SWAP70: variants seen among roughly 807,000 people sequenced by gnomAD.
SWAP70 encodes the protein switch-associated protein 70.
SWAP70 carries 34 observed loss-of-function variants against 80.2 expected under a neutral mutation model. That is an observed-to-expected ratio of 0.42 (90% CI 0.32 to 0.56). The LOEUF (loss-of-function observed/expected upper bound fraction) is 0.56. SWAP70 is among the 20% of genes least tolerant of loss of function. SWAP70 has a pLI of 0.09. For missense variants in SWAP70, 578 were observed against 690.7 expected (o/e 0.84, Z 1.83); for synonymous variants, 239 against 238.5 (o/e 1.00, Z -0.02).
intron 1 of SWAP70, among the ~76,000 whole-genome samples, chr11:9,672,195 CTATATATATA>C (rs57590750): frequency 8.4e-4 from 66 of 78,418 alleles, no homozygotes; most frequent in Non-Finnish European, 1.1e-3. Context: ...ATGTGTGTGT[CTATATATATA>C]TATATATATA....
chr11:9,704,929 A>G (rs1450958827), intron 2 of SWAP70, among the ~76,000 whole-genome samples: 2 of 152,236 alleles, frequency 1.3e-5, no homozygotes, highest in African/African-American at 2.4e-5. Context: ...GCTCAAAGAC[A>G]TATTGATGCA....
In SWAP70 at chr11:9,750,461, CAAACAAGGGTTACCTG is replaced by C. The variant is rs1480746174; in HGVS notation, c.*495_*510del. On this transcript the variant is annotated 3_prime_UTR_variant, in exon 12 of 12. Transcript: ENST00000318950. ...GGAAGCCTTCTTATTTATCTTCCTG[CAAACAAGGGTTACCTG>C]AAAAGAAAAAAAAAGTCAACATTGT... 1 of 152,192 alleles carries C rather than the reference CAAACAAGGGTTACCTG, an allele frequency of 6.6e-6. No individual in the cohort carries two copies. The highest frequency in any genetic ancestry group is 1.5e-5 in the Non-Finnish European group (1 of 68,050). The allele number at this position is 152,192 out of a possible 1,614,324, so 9.4% of individuals were successfully genotyped here.
intron 9 of SWAP70, chr11:9,741,406 G>A (rs922507029): frequency 2.6e-5 from 4 of 152,156 alleles, no homozygotes. Flanking sequence ...GCACTGTGAG[G>A]TTAATCAGGT....
chr11:9,715,078 G>T (rs537869578), intron 3 of SWAP70, among the ~76,000 whole-genome samples: 2 of 150,774 alleles, frequency 1.3e-5, no homozygotes, highest in African/African-American at 4.9e-5. Context: ...GGGCTCAGGG[G>T]ATCCTCCTGT....
rs1454011580 is a variant in SWAP70 at position 9,738,242 on chromosome 11, A to G, written c.1110A>G (p.Ala370=). The G allele has an allele frequency of 2.5e-6, 4 of 1,611,008 alleles. No homozygotes were observed. In the Admixed American group the frequency reaches 6.7e-5, roughly 27 times the overall value. Residue 370 remains alanine (A), a synonymous_variant, in exon 8 of 12, where the codon GCA becomes GCG. Coordinates refer to ENST00000318950, the MANE Select transcript of SWAP70 (RefSeq NM_015055.4). ...TGGAGGAAGCAGCATCTCGTGCAGC[A>G]GAAGAGGAAAAGAAACGCCTTCAGA... ...KKLEEAASRA[A]EEEKKRLQTQ...
chr11:9,744,189 C>A (rs1339878816), intron 9 of SWAP70, among the ~76,000 whole-genome samples: 3 of 152,166 alleles, frequency 2.0e-5, no homozygotes, highest in African/African-American at 7.2e-5. Flanking sequence ...GTCTTGATCT[C>A]CTGACCTCGT....
In SWAP70 at chr11:9,732,580, A is replaced by T; in HGVS notation, c.950A>T (p.Lys317Ile). The T allele has an allele frequency of 6.2e-7, 1 of 1,605,520 alleles. No homozygotes were observed. Among genetic ancestry groups the T allele is most frequent in the Non-Finnish European group, 8.5e-7 (1 of 1,175,154 alleles). ...AAGCTGGGCAGCCCTCCACCACACA[A>T]AGAAGCCCGCCAGCGTCGGAAAGAA... ...LLKLGSPPPHKEARQRRKELR... is the reference protein window; with the variant it reads ...LLKLGSPPPHIEARQRRKELR... The change falls in exon 7 of 12, where the codon AAA becomes ATA. Residue 317 changes from lysine (K) to isoleucine (I), a missense_variant. By Grantham distance (102) the Lys-to-Ile change is moderately radical. Transcript: ENST00000318950.
rs1228220395 is a variant in SWAP70, at chr11:9,718,346, A to G, written c.414+4707A>G. On this transcript the variant is annotated intron_variant, in intron 3 of 11. Transcript: ENST00000318950. Reference sequence around the variant, plus strand: ...TGCTTGTGTGGGGAAAGAAGGGATCATTGGAGTAGATTTATGTGAGATTGC... The same window carrying G: ...TGCTTGTGTGGGGAAAGAAGGGATCGTTGGAGTAGATTTATGTGAGATTGC... Among the ~76,000 whole-genome samples, 3 of 152,152 alleles carry G rather than the reference A, an allele frequency of 2.0e-5. No homozygotes were observed. The East Asian group carries it at 5.8e-4, about 29-fold the overall frequency.
In SWAP70 at chr11:9,743,349, G is replaced by A. The variant is rs949056057; in HGVS notation, c.1355+3002G>A. Among the ~76,000 whole-genome samples the A allele has an allele frequency of 1.6e-4, 24 of 151,818 alleles. No homozygotes were observed. In the South Asian group the frequency reaches 3.1e-3, roughly 20 times the overall value. ...AGTCTTTGCTATTGTGAATAATGCC[G>A]CAATAAACATACTTGTGCATGTGTC... On this transcript the variant is annotated intron_variant, in intron 9 of 11. Transcript: ENST00000318950.
intron 1 of SWAP70, among the ~76,000 whole-genome samples, chr11:9,670,131 G>A (rs571155995): frequency 6.6e-5 from 10 of 152,130 alleles, no homozygotes; most frequent in African/African-American, 2.4e-4. Flanking sequence ...TGGCTAGAGT[G>A]GATTGGGAAG....
intron 1 of SWAP70, among the ~76,000 whole-genome samples, chr11:9,679,835 A>T (rs1850545165): frequency 6.6e-6 from 1 of 151,468 alleles, no homozygotes; most frequent in Admixed American, 6.6e-5. Context: ...CGCCTGGCAA[A>T]TTTTTTTGTA....
At chr11:9,730,327 TAAAA>T (rs58068637) in intron 6 of SWAP70, among the ~76,000 whole-genome samples, 28 of 136,910 alleles carry the variant, frequency 2.0e-4, no homozygotes, top group Admixed American at 2.9e-4. Flanking sequence ...CGTCTCTACT[TAAAA>T]AAAAAAAAAA....
Position 9,729,174 on chromosome 11 carries a change from T to A in SWAP70, c.790-169T>A, listed in dbSNP as rs377655187. On this transcript the variant is annotated intron_variant, in intron 5 of 11. Coordinates refer to ENST00000318950, the MANE Select transcript of SWAP70 (RefSeq NM_015055.4). The stretch of plus-strand genomic sequence containing the variant: ...AGATGTAGTATACCAACTGGGGTCA[T>A]TTTTACCATAAGTAATGTGCTTAGG... Among the ~76,000 whole-genome samples, 37 of 152,316 alleles carry A rather than the reference T, an allele frequency of 2.4e-4. No individual in the cohort carries two copies. The South Asian group carries it at 7.5e-3, about 31-fold the overall frequency.
intron 3 of SWAP70, among the ~76,000 whole-genome samples, chr11:9,717,741 A>G (rs1851084341): frequency 6.6e-6 from 1 of 152,004 alleles, no homozygotes; most frequent in African/African-American, 2.4e-5. Context: ...TTTTCTTTGA[A>G]AAACTGGATG....
intron 3 of SWAP70, among the ~76,000 whole-genome samples, chr11:9,714,592 G>A (rs1176300805): frequency 6.6e-6 from 1 of 152,132 alleles, no homozygotes; most frequent in South Asian, 2.1e-4. Flanking sequence ...CCTTCAGAAA[G>A]GCTGTACCAA....
intron 1 of SWAP70, among the ~76,000 whole-genome samples, chr11:9,686,229 C>T (rs1439605243): frequency 1.3e-5 from 2 of 151,814 alleles, no homozygotes; most frequent in Admixed American, 1.3e-4. Context: ...CTCTCTTTCT[C>T]CCTTCCCCCA....
intron 4 of SWAP70, chr11:9,726,870 C>T (rs756671095): frequency 2.4e-5 from 11 of 456,048 alleles, no homozygotes; most frequent in Non-Finnish European, 4.8e-5. Flanking sequence ...CATTTAGAAG[C>T]CAGTATTTGA....
intron 2 of SWAP70, among the ~76,000 whole-genome samples, chr11:9,707,836 G>A (rs1297498262): frequency 4.6e-5 from 7 of 151,984 alleles, no homozygotes; most frequent in Non-Finnish European, 8.8e-5. Flanking sequence ...GATTACAGGC[G>A]TGAGCCACTG....
intron 2 of SWAP70, among the ~76,000 whole-genome samples, chr11:9,702,192 TA>T (rs1390258569): frequency 1.3e-5 from 2 of 152,200 alleles, no homozygotes; most frequent in Non-Finnish European, 2.9e-5. Flanking sequence ...ATAATTCTTT[TA>T]TAAAGTGTAG....
Sources: gnomAD v4.1 joint callset for allele counts (sites outside exome capture counted in the v4.1 genomes callset) on GRCh38, gnomAD v4.1.1 for gene constraint, MANE v1.5 for transcripts, NCBI Gene and HGNC (gene_info 2026-07-23, HGNC 2026-07-21) for gene names.